Variants in FBXL19 observed in about 807,000 individuals in gnomAD.
The protein encoded by FBXL19 is F-box/LRR-repeat protein 19.
FBXL19 carries 16 observed loss-of-function variants against 71.2 expected under a neutral mutation model. That is an observed-to-expected ratio of 0.22 (90% CI 0.15 to 0.34). The LOEUF is 0.34. FBXL19 is among the 10% of genes least tolerant of loss of function. The pLI is 1.00. For missense variants in FBXL19, 658 were observed against 968.2 expected (o/e 0.68, Z 4.25); for synonymous variants, 447 against 409.4 (o/e 1.09, Z -1.11).
intron 9 of FBXL19, among the ~76,000 whole-genome samples, chr16:30,945,662 CAA>C (rs1026782160): frequency 1.1e-4 from 8 of 72,988 alleles, no homozygotes; most frequent in Admixed American, 1.6e-4. Flanking sequence ...GACTCCATCT[CAA>C]AAAAAAAAAA....
intron 6 of FBXL19, among the ~76,000 whole-genome samples, chr16:30,929,553 ATTATTTTATT>A (rs372805514): frequency 2.6e-5 from 4 of 151,912 alleles, no homozygotes; most frequent in Non-Finnish European, 5.9e-5. Context: ...AGGGCTGGAA[ATTATTTTATT>A]TTATTTTATT....
intron 7 of FBXL19, among the ~76,000 whole-genome samples, chr16:30,940,633 C>T (rs532343062): frequency 6.6e-6 from 1 of 151,930 alleles, no homozygotes; most frequent in African/African-American, 2.4e-5. Flanking sequence ...TTGAGAGGCC[C>T]TTCTCCAGTT....
intron 6 of FBXL19, 65 bp downstream of exon 6, chr16:30,928,693 C>G (rs2143319516): frequency 7.3e-7 from 1 of 1,361,550 alleles, no homozygotes; most frequent in East Asian, 3.1e-5. Context: ...CCCTGGAGCC[C>G]AAGACCTGTC....
Position 30,947,929 on chromosome 16 carries a change from A to G in FBXL19, c.*699A>G, listed in dbSNP as rs1721244259. The stretch of plus-strand genomic sequence containing the variant: ...ATTGCAAGGAGTGGGGGCCGCGGGC[A>G]GCCGCTCTTCAGCTCGCGGCCCAGG... On this transcript the variant is annotated 3_prime_UTR_variant, in exon 11 of 11. Coordinates refer to ENST00000338343, the MANE Select transcript of FBXL19 (RefSeq NM_001382779.1). The G allele has an allele frequency of 2.2e-6, 1 of 451,530 alleles. No homozygotes were observed. The highest frequency in any genetic ancestry group is 1.6e-5 in the South Asian group (1 of 64,054). The allele number at this position is 451,530 out of a possible 1,614,324, so 28.0% of individuals were successfully genotyped here.
chr16:30,935,398 C>T (rs1044576481), intron 7 of FBXL19, among the ~76,000 whole-genome samples: 3 of 152,110 alleles, frequency 2.0e-5, no homozygotes, highest in African/African-American at 7.2e-5. Context: ...TGTCTGGTGG[C>T]TTCCATCTTT....
intron 2 of FBXL19, among the ~76,000 whole-genome samples, chr16:30,926,390 A>G (rs2055591478): frequency 6.6e-6 from 1 of 152,218 alleles, no homozygotes; most frequent in Non-Finnish European, 1.5e-5. Flanking sequence ...CCTTCTCTGT[A>G]AAATGTTTCC....
In FBXL19 at chr16:30,947,546, G is replaced by C. The variant is rs374646348; in HGVS notation, c.*316G>C. On this transcript the variant is annotated 3_prime_UTR_variant, in exon 11 of 11. Coordinates refer to ENST00000338343, the MANE Select transcript of FBXL19 (RefSeq NM_001382779.1). ...GAGGGGGGTTATGGTGCAAGTGTTGGGGGGGAGAATGGGGAAAGGACACAC... is the reference window on the plus strand; with the variant it reads ...GAGGGGGGTTATGGTGCAAGTGTTGCGGGGGAGAATGGGGAAAGGACACAC... 21 of 373,404 alleles carry C rather than the reference G, an allele frequency of 5.6e-5. No individual in the cohort carries two copies. Among genetic ancestry groups the C allele is most frequent in the African/African-American group, 8.5e-5 (4 of 47,184 alleles). The allele number at this position is 373,404 out of a possible 1,614,324, so 23.1% of individuals were successfully genotyped here. A position where few individuals can be genotyped will look rare whatever the true frequency, so the allele number is the denominator to read the frequency against.
chr16:30,939,430 T>C (rs1158037392), intron 7 of FBXL19, among the ~76,000 whole-genome samples: 1 of 149,942 alleles, frequency 6.7e-6, no homozygotes. Flanking sequence ...TGTTTTTTTT[T>C]TGAGACGGAG....
chr16:30,938,238 G>A (rs2055759864), intron 7 of FBXL19, among the ~76,000 whole-genome samples: 1 of 152,056 alleles, frequency 6.6e-6, no homozygotes, highest in Admixed American at 6.6e-5. Context: ...ACCAGGGCTG[G>A]GCCCAGTGGC....
chr16:30,931,167 C>T (rs929889225), intron 7 of FBXL19, among the ~76,000 whole-genome samples: 2 of 152,092 alleles, frequency 1.3e-5, no homozygotes, highest in Admixed American at 6.6e-5. Context: ...GCCCCCCAGC[C>T]TCTATTAGAA....
intron 7 of FBXL19, among the ~76,000 whole-genome samples, chr16:30,937,679 G>T (rs919796746): frequency 2.0e-5 from 3 of 152,146 alleles, no homozygotes; most frequent in African/African-American, 7.2e-5. Flanking sequence ...GAAGGCTCTG[G>T]GTTGGCATTT....
intron 2 of FBXL19, among the ~76,000 whole-genome samples, chr16:30,926,394 T>C (rs1198731790): frequency 6.6e-6 from 1 of 152,204 alleles, no homozygotes; most frequent in African/African-American, 2.4e-5. Flanking sequence ...CTCTGTAAAA[T>C]GTTTCCTTTG....
Position 30,942,305 on chromosome 16 carries a change from G to C in FBXL19, c.1465+26G>C. On this transcript the variant is annotated intron_variant, in intron 8 of 10. Coordinates refer to ENST00000338343, the MANE Select transcript of FBXL19 (RefSeq NM_001382779.1). The surrounding 1 kb of genome is among the most constrained non-coding windows in gnomAD (Gnocchi z 5.7). ...GTAGGGTGTGTGGTACGGAGGACAG[G>C]GTGGGGACAGGGACAGGCCTGGGAT... 6.3e-7 allele frequency: 1 copy of C among 1,598,340 alleles called. No individual in the cohort carries two copies. Among genetic ancestry groups the C allele is most frequent in the Non-Finnish European group, 8.5e-7 (1 of 1,170,648 alleles).
At chr16:30,935,164 G>C (rs2055718185) in intron 7 of FBXL19, among the ~76,000 whole-genome samples, 1 of 152,206 alleles carries the variant, frequency 6.6e-6, no homozygotes, top group Non-Finnish European at 1.5e-5. Flanking sequence ...GGGGTCCAAA[G>C]CCAGATTGAA....
chr16:30,924,804 A>G (rs771317552), intron 1 of FBXL19: 14 of 1,414,144 alleles, frequency 9.9e-6, no homozygotes, highest in African/African-American at 9.0e-5. Flanking sequence ...CCAGGCTTCT[A>G]ATTCCACATG....
In FBXL19 at chr16:30,946,810, C is replaced by A. The variant is rs767167468; in HGVS notation, c.1708C>A (p.Arg570Ser). 3.7e-6 allele frequency: 6 copies of A among 1,612,966 alleles called. No homozygotes were observed. Among genetic ancestry groups the A allele is most frequent in the Non-Finnish European group, 5.1e-6 (6 of 1,179,722 alleles). The change falls in exon 10 of 11, where the codon CGT becomes AGT. Residue 570 changes from arginine (R) to serine (S), a missense_variant. Physicochemically the swap from Arg to Ser is moderately radical, Grantham distance 110. Coordinates refer to ENST00000338343, the MANE Select transcript of FBXL19 (RefSeq NM_001382779.1). The surrounding 1 kb of genome is among the most constrained non-coding windows in gnomAD (Gnocchi z 6.7). ...TTTGGAGCTGACAGATGCCTCCCTG[C>A]GTCTCCTGCTGCGTCACGCACCCCA... ...AGLELTDASLRLLLRHAPQLS... is the reference protein window; with the variant it reads ...AGLELTDASLSLLLRHAPQLS...
rs1267488978 is a variant in FBXL19, at chr16:30,948,673, G to A, written c.*1443G>A. Reference sequence around the variant, plus strand: ...CTTGAGAATGGGGCCGCTTGGGGGAGGGAAGAGGCAGCCCGGCGAGGGGCA... The same window carrying A: ...CTTGAGAATGGGGCCGCTTGGGGGAAGGAAGAGGCAGCCCGGCGAGGGGCA... On this transcript the variant is annotated 3_prime_UTR_variant, in exon 11 of 11. Coordinates refer to ENST00000338343, the MANE Select transcript of FBXL19 (RefSeq NM_001382779.1). 3 of 152,318 alleles carry A rather than the reference G, an allele frequency of 2.0e-5. No homozygotes were observed. Among genetic ancestry groups the A allele is most frequent in the African/African-American group, 7.2e-5 (3 of 41,430 alleles). 9.4% of individuals were successfully genotyped at this position (152,318 alleles called of 1,614,324 possible). A position where few individuals can be genotyped will look rare whatever the true frequency, so the allele number is the denominator to read the frequency against.
intron 7 of FBXL19, among the ~76,000 whole-genome samples, chr16:30,940,405 G>A (rs1210861415): frequency 1.3e-5 from 2 of 150,550 alleles, no homozygotes; most frequent in Admixed American, 1.3e-4. Flanking sequence ...GGGTGACTAA[G>A]CAAGACACTG....
rs2055581147 is a variant in FBXL19, at chr16:30,925,608, ACCT to A, written c.-24-119_-24-117del. On this transcript the variant is annotated intron_variant, in intron 1 of 10. Coordinates refer to ENST00000338343, the MANE Select transcript of FBXL19 (RefSeq NM_001382779.1). This position sits in a 1 kb window ranked among gnomAD's most constrained non-coding sequence, Gnocchi z 5.0. ...GCCCCCAGATACACAGAAGGGGGTG[ACCT>A]CCTTGTCCCCCTGAGGAAGAGGGCA... 1 of 1,066,996 alleles carries A rather than the reference ACCT, an allele frequency of 9.4e-7. No individual in the cohort carries two copies. The highest frequency in any genetic ancestry group is 1.2e-6 in the Non-Finnish European group (1 of 801,428). The allele number at this position is 1,066,996 out of a possible 1,614,324, so 66.1% of individuals were successfully genotyped here.
Sources: allele counts gnomAD v4.1 joint callset (sites outside exome capture counted in the v4.1 genomes callset), GRCh38; gene constraint gnomAD v4.1.1; non-coding constraint Gnocchi (gnomAD v3.1); transcripts MANE v1.5; gene names NCBI Gene and HGNC (gene_info 2026-07-23, HGNC 2026-07-21).